The following PRR22 variants were observed in gnomAD, a reference collection of about 807,000 sequenced individuals.
PRR22 encodes proline-rich protein 22.
PRR22 carries 5 observed loss-of-function variants against 7.2 expected under a neutral mutation model. The ratio of observed to expected loss-of-function variants is 0.69; its 90% CI spans 0.36 to 1.45. The LOEUF (loss-of-function observed/expected upper bound fraction) is 1.45. Among genes scored for constraint, PRR22 ranks in the 40% most tolerant of loss-of-function variants. The probability of loss-of-function intolerance (pLI) is 0.03; values close to 1 mark genes in which losing one functional copy is unlikely to be tolerated. For missense variants in PRR22, 619 were observed against 568.8 expected (o/e 1.09, Z -0.90); for synonymous variants, 319 against 269.3 (o/e 1.18, Z -1.81).
chr19:5,784,313 C>A (rs2056819592), intron 2 of PRR22, 64 bp downstream of exon 2: 2 of 1,547,296 alleles, frequency 1.3e-6, no homozygotes. Flanking sequence ...GGGGCAGGGG[C>A]AAGATGGGCC....
rs2144722744 is a variant in PRR22 at position 5,783,830 on chromosome 19, C to T, written c.417G>A (p.Gly139=). The stretch of plus-strand genomic sequence containing the variant: ...GGAAGTAGGGCAAGAGAAACTGGGG[C>T]CCCCCGGGTGCCTGCTGGTAGTGGG... The part of the protein sequence containing the change: ...PYPHYQQAPG[G]PQFLLPYFPP... Residue 139 remains glycine, a synonymous_variant, in exon 3 of 3, where the codon GGG becomes GGA. Transcript: ENST00000419421. The T allele has an allele frequency of 1.3e-6, 2 of 1,532,610 alleles. No homozygotes were observed. The highest frequency in any genetic ancestry group is 8.8e-7 in the Non-Finnish European group (1 of 1,138,642). 94.9% of individuals were successfully genotyped at this position (1,532,610 alleles called of 1,614,324 possible).
Position 5,783,113 on chromosome 19 carries a change from G to C in PRR22, c.1134C>G (p.Ala378=). The C allele has an allele frequency of 6.2e-7, 1 of 1,612,186 alleles. No homozygotes were observed. Among genetic ancestry groups the C allele is most frequent in the Non-Finnish European group, 8.5e-7 (1 of 1,179,628 alleles). ...CCTTTCTCTTGCCAGACAGAATGGG[G>C]GCCGGGGTGTTGGTGGCAGGGGGCC... ...HPGPPATNTP[A]PILSGKRKAS... The change falls in exon 3 of 3, where the codon GCC becomes GCG. Residue 378 remains alanine, a synonymous_variant. Transcript: ENST00000419421.
In PRR22 at chr19:5,783,827, G is replaced by C; in HGVS notation, c.420C>G (p.Pro140=). ...GCGGGAAGTAGGGCAAGAGAAACTGGGGCCCCCCGGGTGCCTGCTGGTAGT... is the reference window on the plus strand; with the variant it reads ...GCGGGAAGTAGGGCAAGAGAAACTGCGGCCCCCCGGGTGCCTGCTGGTAGT... ...YPHYQQAPGG[P]QFLLPYFPPE... Residue 140 remains proline (P), a synonymous_variant, in exon 3 of 3, where the codon CCC becomes CCG. Coordinates refer to ENST00000419421, the MANE Select transcript of PRR22 (RefSeq NM_001134316.2). The C allele has an allele frequency of 2.6e-6, 4 of 1,533,952 alleles. 1 individual carries two copies. The South Asian group carries it at 3.7e-5, about 14-fold the overall frequency.
rs1210921196 is a variant in PRR22, at chr19:5,784,635, G to A, written c.26C>T (p.Ala9Val). 1.3e-6 allele frequency: 2 copies of A among 1,535,494 alleles called. No individual in the cohort carries two copies. The highest frequency in any genetic ancestry group is 1.2e-5 in the South Asian group (1 of 83,976). Residue 9 changes from alanine to valine, a missense_variant, in exon 1 of 3, where the codon GCC becomes GTC. Ala to Val is a moderately conservative substitution (Grantham distance 64). Transcript: ENST00000419421. ...GAAACCTTCCTGGGGAGCTGCAGGG[G>A]CACAGAACGGTTTGGGGTGCTGCAT... MQHPKPFCAPAAPQEGFSP... is the reference protein window; with the variant it reads MQHPKPFCVPAAPQEGFSP...
Position 5,783,184 on chromosome 19 carries a change from A to C in PRR22, c.1063T>G (p.Phe355Val), listed in dbSNP as rs547919164. ...TCGTCGAGCGCCTTGAAGTTGAAGA[A>C]GTAGTCAACGTTGGACACGGTGTCC... The part of the protein sequence containing the change: ...ILDTVSNVDY[F>V]FNFKALDEEQ... The change falls in exon 3 of 3, where the codon TTC becomes GTC. Residue 355 changes from phenylalanine to valine, a missense_variant. Transcript: ENST00000419421. 6.2e-7 allele frequency: 1 copy of C among 1,612,702 alleles called. No homozygotes were observed. Among genetic ancestry groups the C allele is most frequent in the Non-Finnish European group, 8.5e-7 (1 of 1,179,954 alleles).
Position 5,784,583 on chromosome 19 carries a change from C to T in PRR22, c.78G>A (p.Glu26=), listed in dbSNP as rs1360455092. 1.3e-6 allele frequency: 2 copies of T among 1,545,296 alleles called. No individual in the cohort carries two copies. The highest frequency in any genetic ancestry group is 2.4e-5 in the East Asian group (1 of 40,916). Residue 26 remains glutamate (E), a synonymous_variant, in exon 1 of 3, where the codon GAG becomes GAA. Transcript: ENST00000419421. ...GFSPQSLEGA[E]VLGNQPAPTC... The stretch of plus-strand genomic sequence containing the variant: ...TGGGAGCAGGCTGGTTGCCCAGCAC[C>T]TCAGCCCCCTCCAGACTCTGCGGGC...
Position 5,783,391 on chromosome 19 carries a change from G to GC in PRR22, c.855dup (p.Leu286AlafsTer16). On this transcript the variant is annotated frameshift_variant, in exon 3 of 3. Coordinates refer to ENST00000419421, the MANE Select transcript of PRR22 (RefSeq NM_001134316.2). LOFTEE classifies it low-confidence loss of function (END_TRUNC). ...TCGAAGAGCTTCATGGCGTCCTCCA[G>GC]CAGAACCTTGTCAGGCAGTGCCAAA... The GC allele has an allele frequency of 6.2e-7, 1 of 1,612,648 alleles. No individual in the cohort carries two copies. Among genetic ancestry groups the GC allele is most frequent in the South Asian group, 1.1e-5 (1 of 91,090 alleles).
rs746237762 is a variant in PRR22 at position 5,783,102 on chromosome 19, G to A, written c.1145C>T (p.Ser382Phe). ...GGCCGTCGAGGCCTTTCTCTTGCCA[G>A]ACAGAATGGGGGCCGGGGTGTTGGT... ...PATNTPAPIL[S>F]GKRKASTAKK... The change falls in exon 3 of 3, where the codon TCT (serine) becomes TTT (phenylalanine). Residue 382 changes from serine to phenylalanine, a missense_variant. Physicochemically the swap from Ser to Phe is radical, Grantham distance 155. Transcript: ENST00000419421. 2 of 1,610,686 alleles carry A rather than the reference G, an allele frequency of 1.2e-6. No homozygotes were observed. The highest frequency in any genetic ancestry group is 1.7e-6 in the Non-Finnish European group (2 of 1,178,522).
chr19:5,783,810 T>G lies in PRR22; in HGVS notation c.437A>C (p.Tyr146Ser). Residue 146 changes from tyrosine (Y) to serine (S), a missense_variant, in exon 3 of 3, where the codon TAC becomes TCC. Transcript: ENST00000419421. Reference protein sequence around the residue: ...APGGPQFLLPYFPPEGPGPEA... With the variant: ...APGGPQFLLPSFPPEGPGPEA... ...TGGCCCGGGGCCCTCAGGCGGGAAG[T>G]AGGGCAAGAGAAACTGGGGCCCCCC... 1 of 1,516,454 alleles carries G rather than the reference T, an allele frequency of 6.6e-7. No individual in the cohort carries two copies. The highest frequency in any genetic ancestry group is 2.2e-5 in the Admixed American group (1 of 44,850). 93.9% of individuals were successfully genotyped at this position (1,516,454 alleles called of 1,614,324 possible). A position where few individuals can be genotyped will look rare whatever the true frequency, so the allele number is the denominator to read the frequency against.
chr19:5,784,161 C>T (rs1029462108), intron 2 of PRR22, 108 bp from the exon 3 acceptor site: 1 of 1,170,026 alleles, frequency 8.5e-7, no homozygotes, highest in Admixed American at 1.7e-5. Flanking sequence ...ATTGGGGGGC[C>T]CCTTTGGGGG....
At position 5,783,221 on chromosome 19, in the gene PRR22, C is replaced by A. The variant is rs1409528176; in HGVS notation, c.1026G>T (p.Val342=). The part of the protein sequence containing the change: ...PEELLSFDYS[V]PEILDTVSNV... ...TGGACACGGTGTCCAGGATCTCAGG[C>A]ACGCTGTAGTCAAAGGACAGCAGCT... Residue 342 remains valine, a synonymous_variant, in exon 3 of 3, where the codon GTG becomes GTT. Transcript: ENST00000419421. The A allele has an allele frequency of 1.2e-6, 2 of 1,612,806 alleles. No individual in the cohort carries two copies. Among genetic ancestry groups the A allele is most frequent in the South Asian group, 2.2e-5 (2 of 91,090 alleles).
At position 5,783,712 on chromosome 19, in the gene PRR22, C is replaced by T; in HGVS notation, c.535G>A (p.Gly179Ser). Residue 179 changes from glycine (G) to serine (S), a missense_variant, in exon 3 of 3, where the codon GGC becomes AGC. Coordinates refer to ENST00000419421, the MANE Select transcript of PRR22 (RefSeq NM_001134316.2). Reference sequence around the variant, plus strand: ...GGTGGGGGTGGCAGCGGGGCCGGGCCTTCCTCTAGGGGCGGTAGGGGCAGC... The same window carrying T: ...GGTGGGGGTGGCAGCGGGGCCGGGCTTTCCTCTAGGGGCGGTAGGGGCAGC... ...VELPLPPLEE[G>S]PAPLPPPPPK... The T allele has an allele frequency of 6.6e-7, 1 of 1,517,614 alleles. No individual in the cohort carries two copies. Among genetic ancestry groups the T allele is most frequent in the Non-Finnish European group, 8.8e-7 (1 of 1,131,668 alleles). The allele number at this position is 1,517,614 out of a possible 1,614,324, so 94.0% of individuals were successfully genotyped here.
Position 5,783,640 on chromosome 19 carries a change from C to T in PRR22, c.607G>A (p.Glu203Lys), listed in dbSNP as rs749511542. 2 of 1,589,030 alleles carry T rather than the reference C, an allele frequency of 1.3e-6. No homozygotes were observed. Among genetic ancestry groups the T allele is most frequent in the Admixed American group, 3.6e-5 (2 of 55,668 alleles). ...TAGGCGTCTGGGGGCAGTGTGGGCT[C>T]TGCAGGCAGCGTGATGAGTACAGGG... Reference protein sequence around the residue: ...PPPVLITLPAEPTLPPDAYSH... With the variant: ...PPPVLITLPAKPTLPPDAYSH... Residue 203 changes from glutamate to lysine, a missense_variant, in exon 3 of 3, where the codon GAG (glutamate) becomes AAG (lysine). Glu to Lys is a moderately conservative substitution (Grantham distance 56). Coordinates refer to ENST00000419421, the MANE Select transcript of PRR22 (RefSeq NM_001134316.2).
At position 5,783,980 on chromosome 19, in the gene PRR22, C is replaced by CGAT. The variant is rs2056816456; in HGVS notation, c.266_267insATC (p.Leu89_Gly90insSer). ...CCAGCTTATACAGGGCTGACTGGCC[C>CGAT]AGGTCGGGGGTGGTCCACTCGATCC... On this transcript the variant is annotated inframe_insertion, in exon 3 of 3. Transcript: ENST00000419421. The CGAT allele has an allele frequency of 1.2e-6, 2 of 1,609,154 alleles. No individual in the cohort carries two copies. Among genetic ancestry groups the CGAT allele is most frequent in the Non-Finnish European group, 1.7e-6 (2 of 1,178,516 alleles).
At position 5,783,114 on chromosome 19, in the gene PRR22, GC is replaced by G; in HGVS notation, c.1132del (p.Ala378ProfsTer?). Reference protein sequence around the residue: ...HPGPPATNTPAPILSGKRKAS... With the variant: ...HPGPPATNTPXPILSGKRKAS... ...CTTTCTCTTGCCAGACAGAATGGGG[GC>G]CGGGGTGTTGGTGGCAGGGGGCCCC... On this transcript the variant is annotated frameshift_variant, in exon 3 of 3. Transcript: ENST00000419421. LOFTEE classifies it low-confidence loss of function (END_TRUNC). 1 of 1,612,212 alleles carries G rather than the reference GC, an allele frequency of 6.2e-7. No individual in the cohort carries two copies.
In PRR22 at chr19:5,783,620, GTCTGGGGGCAGTGTGGGC is replaced by G; in HGVS notation, c.609_626del (p.Glu203_Pro208del). ...GGTGACCCTGGAGGTGGCTGTAGGC[GTCTGGGGGCAGTGTGGGC>G]TCTGCAGGCAGCGTGATGAGTACAG... On this transcript the variant is annotated inframe_deletion, in exon 3 of 3. Transcript: ENST00000419421. 1 of 1,607,318 alleles carries G rather than the reference GTCTGGGGGCAGTGTGGGC, an allele frequency of 6.2e-7. No individual in the cohort carries two copies. The highest frequency in any genetic ancestry group is 8.5e-7 in the Non-Finnish European group (1 of 1,178,238).
Position 5,783,990 on chromosome 19 carries a change from G to A in PRR22, c.257C>T (p.Thr86Ile). Residue 86 changes from threonine (T) to isoleucine (I), a missense_variant, in exon 3 of 3, where the codon ACC becomes ATC. Physicochemically the swap from Thr to Ile is moderately conservative, Grantham distance 89. Transcript: ENST00000419421. ...CAGGGCTGACTGGCCCAGGTCGGGG[G>A]TGGTCCACTCGATCCGATAGATGCG... ...DPRIYRIEWT[T>I]PDLGQSALYK... 6.2e-7 allele frequency: 1 copy of A among 1,610,352 alleles called. No individual in the cohort carries two copies. The highest frequency in any genetic ancestry group is 1.1e-5 in the South Asian group (1 of 90,998).
Position 5,783,943 on chromosome 19 carries a change from C to A in PRR22, c.304G>T (p.Gly102Trp). ...GCGGAGGGGACCCCCGCTGGCCCCC[C>A]GCTGCTTGCTGCCAGCTTATACAGG... ...SALYKLAASS[G>W]GPAGVPSAPG... The change falls in exon 3 of 3, where the codon GGG becomes TGG. Residue 102 changes from glycine to tryptophan, a missense_variant. Physicochemically the swap from Gly to Trp is radical, Grantham distance 184. Transcript: ENST00000419421. 1 of 1,590,398 alleles carries A rather than the reference C, an allele frequency of 6.3e-7. No homozygotes were observed. The highest frequency in any genetic ancestry group is 8.6e-7 in the Non-Finnish European group (1 of 1,169,300).
Position 5,784,622 on chromosome 19 carries a change from G to A in PRR22, c.39C>T (p.Pro13=). Reference sequence around the variant, plus strand: ...GACTCTGCGGGCTGAAACCTTCCTGGGGAGCTGCAGGGGCACAGAACGGTT... The same window carrying A: ...GACTCTGCGGGCTGAAACCTTCCTGAGGAGCTGCAGGGGCACAGAACGGTT... The part of the protein sequence containing the change: ...HPKPFCAPAA[P]QEGFSPQSLE... The change falls in exon 1 of 3, where the codon CCC becomes CCT. Residue 13 remains proline (P), a synonymous_variant. Transcript: ENST00000419421. 1 of 1,537,076 alleles carries A rather than the reference G, an allele frequency of 6.5e-7. No homozygotes were observed. The highest frequency in any genetic ancestry group is 8.7e-7 in the Non-Finnish European group (1 of 1,146,822).
Sources: gnomAD v4.1 joint callset for allele counts on GRCh38, gnomAD v4.1.1 for gene constraint, MANE v1.5 for transcripts, NCBI Gene and HGNC (gene_info 2026-07-23, HGNC 2026-07-21) for gene names.